PRDM15: variants seen among roughly 807,000 people sequenced by gnomAD.
PRDM15 encodes the protein PR/SET domain 15.
A neutral mutation model predicts 128.6 loss-of-function variants in PRDM15; 64 were observed. The observed-to-expected ratio is 0.50, with a 90% CI of 0.41 to 0.61. The LOEUF is 0.61. Among genes scored for constraint, PRDM15 ranks in the 20% least tolerant of loss-of-function variants. PRDM15 has a pLI of 0.00. For synonymous variants in PRDM15, 615 were observed against 621.8 expected (o/e 0.99, Z 0.16); for missense variants, 1,242 against 1,569.1 (o/e 0.79, Z 3.52).
chr21:41,866,761 G>A (rs1272238934), intron 1 of PRDM15, among the ~76,000 whole-genome samples: 3 of 152,156 alleles, frequency 2.0e-5, no homozygotes, highest in Non-Finnish European at 4.4e-5. Context: ...GCAGCAGAAC[G>A]AGCACAACGC....
rs1357878564 is a variant in PRDM15 at position 41,806,078 on chromosome 21, TCAC to T, written c.2653-1467_2653-1465del. 7.1e-3 allele frequency among the ~76,000 whole-genome samples: 39 copies of T among 5,530 alleles called. 1 individual carries two copies. Among genetic ancestry groups the T allele is most frequent in the Admixed American group, 0.015 (7 of 452 alleles). The allele number at this position is 5,530 out of a possible 152,430, so 3.6% of individuals were successfully genotyped here. A position where few individuals can be genotyped will look rare whatever the true frequency, so the allele number is the denominator to read the frequency against. ...ACCACCATCACCATCACCACCACCATCACCACCACCACCATCACCACCACCATC... is the reference window on the plus strand; with the variant it reads ...ACCACCATCACCATCACCACCACCATCACCACCACCATCACCACCACCATC... On this transcript the variant is annotated intron_variant, in intron 21 of 23. Transcript: ENST00000398548.
At chr21:41,853,054 C>T (rs1388984759) in intron 5 of PRDM15, among the ~76,000 whole-genome samples, 1 of 152,228 alleles carries the variant, frequency 6.6e-6, no homozygotes, top group Non-Finnish European at 1.5e-5. Flanking sequence ...ACAGATTCTC[C>T]CTCAGGGTGC....
At position 41,798,434 on chromosome 21, in the gene PRDM15, C is replaced by G. The variant is rs1047024986; in HGVS notation, c.*2806G>C. ...GGTACAGGAGGTCTGCCTTCCACGC[C>G]GGACCCTCCAGCGCAGTCCCATGCC... On this transcript the variant is annotated 3_prime_UTR_variant, in exon 24 of 24. Coordinates refer to ENST00000398548, the MANE Select transcript of PRDM15 (RefSeq NM_001040424.3). 6.6e-6 allele frequency: 1 copy of G among 152,294 alleles called. No individual in the cohort carries two copies. Among genetic ancestry groups the G allele is most frequent in the Non-Finnish European group, 1.5e-5 (1 of 68,092 alleles). The allele number at this position is 152,294 out of a possible 1,614,324, so 9.4% of individuals were successfully genotyped here.
chr21:41,847,050 A>G, intron 6 of PRDM15, 40 bp downstream of exon 6: 3 of 1,328,718 alleles, frequency 2.3e-6, no homozygotes, highest in Non-Finnish European at 3.2e-6. Context: ...AAATCGACAC[A>G]GGAGTTTTAC....
At chr21:41,805,997 C>CCA (rs779622471) in intron 21 of PRDM15, among the ~76,000 whole-genome samples, 27 of 76,714 alleles carry the variant, frequency 3.5e-4, no homozygotes, top group Admixed American at 7.8e-4. Context: ...ATCACCACCA[C>CCA]CACCACCATC....
In PRDM15 at chr21:41,828,037, G is replaced by A. The variant is rs1253097381; in HGVS notation, c.1534+129C>T. ...AGGATGAGCCCATCGGATGGCGGGC[G>A]TTTCCAGGCAAAGGAGCAGGCGGCA... On this transcript the variant is annotated intron_variant, in intron 12 of 23. Transcript: ENST00000398548. This position sits in a 1 kb window ranked among gnomAD's most constrained non-coding sequence, Gnocchi z 5.7. 1.5e-5 allele frequency: 13 copies of A among 887,112 alleles called. No individual in the cohort carries two copies. The highest frequency in any genetic ancestry group is 2.3e-5 in the Non-Finnish European group (13 of 573,956). The allele number at this position is 887,112 out of a possible 1,614,324, so 55.0% of individuals were successfully genotyped here.
At position 41,828,114 on chromosome 21, in the gene PRDM15, C is replaced by A. The variant is rs1249422301; in HGVS notation, c.1534+52G>T. ...GACTGCTCCATGCCGCCCTGCCCCA[C>A]CCCGCAGGAGCTGCCTCTCCCCGCC... On this transcript the variant is annotated intron_variant, in intron 12 of 23. Transcript: ENST00000398548. The surrounding 1 kb of genome is among the most constrained non-coding windows in gnomAD (Gnocchi z 5.7). 8 of 1,597,922 alleles carry A rather than the reference C, an allele frequency of 5.0e-6. No homozygotes were observed. The highest frequency in any genetic ancestry group is 6.8e-6 in the Non-Finnish European group (8 of 1,172,056).
chr21:41,861,112 G>A lies in PRDM15; in HGVS notation c.-9-740C>T, dbSNP rs563292130. Among the ~76,000 whole-genome samples the A allele has an allele frequency of 2.0e-5, 3 of 152,248 alleles. No individual in the cohort carries two copies. In the East Asian group the frequency reaches 5.8e-4, roughly 29 times the overall value. On this transcript the variant is annotated intron_variant, in intron 1 of 23. Coordinates refer to ENST00000398548, the MANE Select transcript of PRDM15 (RefSeq NM_001040424.3). The stretch of plus-strand genomic sequence containing the variant: ...CAGCCTCCCAAAGTGCTGGGATTAT[G>A]GCACAAGCCATCGTGCCCACCTATA...
rs1439246449 is a variant in PRDM15 at position 41,800,725 on chromosome 21, C to T, written c.*515G>A. On this transcript the variant is annotated 3_prime_UTR_variant, in exon 24 of 24. Transcript: ENST00000398548. ...CCTAGTTCAAAGAGAATACACGTTACTTTAACTTCTATGTGCTCGCTTGCA... is the reference window on the plus strand; with the variant it reads ...CCTAGTTCAAAGAGAATACACGTTATTTTAACTTCTATGTGCTCGCTTGCA... The T allele has an allele frequency of 2.0e-5, 3 of 153,068 alleles. No homozygotes were observed. Among genetic ancestry groups the T allele is most frequent in the African/African-American group, 7.2e-5 (3 of 41,440 alleles). The allele number at this position is 153,068 out of a possible 1,614,324, so 9.5% of individuals were successfully genotyped here.
At chr21:41,835,394 G>C (rs769053255) in intron 11 of PRDM15, 43 bp downstream of exon 11, 34 of 1,519,000 alleles carry the variant, frequency 2.2e-5, no homozygotes, top group African/African-American at 4.1e-5. Flanking sequence ...TCTAGAATCC[G>C]TACCGCACAG....
At chr21:41,822,172 G>A (rs142385372) in intron 14 of PRDM15, 135 bp from the exon 15 acceptor site, 13 of 1,228,114 alleles carry the variant, frequency 1.1e-5, no homozygotes, top group African/African-American at 3.0e-5. Context: ...GCGCCCTAAC[G>A]AGCTACACTT....
intron 1 of PRDM15, among the ~76,000 whole-genome samples, chr21:41,873,423 G>A (rs2064286712): frequency 6.6e-6 from 1 of 152,184 alleles, no homozygotes; most frequent in African/African-American, 2.4e-5. Flanking sequence ...AGGACTCCAT[G>A]GTCCGTCAGC....
Position 41,859,901 on chromosome 21 carries a change from G to A in PRDM15, c.38-216C>T, listed in dbSNP as rs1181438172. ...CAGCACTCGTGCACACATGAGGAGT[G>A]CAAAGGCAGGACACGCCCCCAGGGA... On this transcript the variant is annotated intron_variant, in intron 2 of 23. Coordinates refer to ENST00000398548, the MANE Select transcript of PRDM15 (RefSeq NM_001040424.3). The surrounding 1 kb of genome is among the most constrained non-coding windows in gnomAD (Gnocchi z 5.3). Among the ~76,000 whole-genome samples the A allele has an allele frequency of 1.3e-5, 2 of 152,164 alleles. No individual in the cohort carries two copies. The highest frequency in any genetic ancestry group is 2.9e-5 in the Non-Finnish European group (2 of 68,030).
intron 1 of PRDM15, chr21:41,871,478 A>G (rs1216451298): frequency 4.1e-5 from 64 of 1,578,736 alleles, no homozygotes; most frequent in Non-Finnish European, 5.4e-5. Flanking sequence ...TTCCTCCCCT[A>G]CTGGAGTGAG....
At chr21:41,857,471 C>A (rs781134160) in intron 3 of PRDM15, 142 bp from the exon 4 acceptor site, 4 of 881,112 alleles carry the variant, frequency 4.5e-6, no homozygotes, top group Non-Finnish European at 6.8e-6. Context: ...TAGAAGCCTT[C>A]CAGGCCAGGC....
chr21:41,846,648 G>A (rs992187646), intron 6 of PRDM15, among the ~76,000 whole-genome samples: 2 of 152,218 alleles, frequency 1.3e-5, no homozygotes, highest in African/African-American at 2.4e-5. Context: ...AGTGAGCCAC[G>A]ATCATGCCAC....
intron 6 of PRDM15, among the ~76,000 whole-genome samples, chr21:41,846,788 C>T (rs193090454): frequency 6.6e-5 from 10 of 152,368 alleles, no homozygotes; most frequent in East Asian, 5.8e-4. Context: ...ACACATGCCA[C>T]GGCTGGCTCC....
At chr21:41,809,632 A>G (rs1473872990) in intron 21 of PRDM15, among the ~76,000 whole-genome samples, 1 of 151,674 alleles carries the variant, frequency 6.6e-6, no homozygotes, top group East Asian at 1.9e-4. Context: ...TAGAGAGTCT[A>G]CTCTTTTCTG....
intron 11 of PRDM15, chr21:41,834,560 G>C: frequency 1.3e-6 from 2 of 1,549,210 alleles, no homozygotes; most frequent in Non-Finnish European, 1.7e-6. Flanking sequence ...GGTGTGCTAT[G>C]AGTCCTAGAG....
Sources: gnomAD v4.1 joint callset for allele counts (sites outside exome capture counted in the v4.1 genomes callset) on GRCh38, gnomAD v4.1.1 for gene constraint, Gnocchi (gnomAD v3.1) non-coding constraint, MANE v1.5 for transcripts, NCBI Gene and HGNC (gene_info 2026-07-23, HGNC 2026-07-21) for gene names.